The following GMDS variants were observed in gnomAD, a reference collection of about 807,000 sequenced individuals.
The protein encoded by GMDS is GDP-mannose 4,6 dehydratase.
GMDS carries 20 observed loss-of-function variants against 49.9 expected under a neutral mutation model. The ratio of observed to expected loss-of-function variants is 0.40; its 90% confidence interval spans 0.28 to 0.58. The LOEUF is 0.58. Among genes scored for constraint, GMDS ranks in the 20% least tolerant of loss-of-function variants. The pLI is 0.42. For missense variants in GMDS, 362 were observed against 481.4 expected (o/e 0.75, Z 2.32); for synonymous variants, 177 against 178.6 (o/e 0.99, Z 0.07).
intron 7 of GMDS, among the ~76,000 whole-genome samples, chr6:1,863,091 T>C (rs867899916): frequency 1.8e-4 from 27 of 152,342 alleles, no homozygotes; most frequent in Middle Eastern, 6.8e-3. Flanking sequence ...GTAACTCTGA[T>C]TTTAAACATT....
At chr6:1,866,868 C>A (rs7776397) in intron 7 of GMDS, among the ~76,000 whole-genome samples, 44,691 of 152,074 alleles carry the variant, frequency 0.29, 6,543 homozygotes, top group Middle Eastern at 0.37. Flanking sequence ...TGCTCAAGTC[C>A]TGCTCAGGAA....
chr6:1,858,973 G>A (rs1758064308), intron 7 of GMDS, among the ~76,000 whole-genome samples: 1 of 151,710 alleles, frequency 6.6e-6, no homozygotes, highest in Non-Finnish European at 1.5e-5. Context: ...TTTGGGGGGG[G>A]CAGGCACTTA....
chr6:2,230,929 T>G, intron 1 of GMDS, among the ~76,000 whole-genome samples: 1 of 15,962 alleles, frequency 6.3e-5, no homozygotes, highest in African/African-American at 2.4e-4. Context: ...TAGTATTCTC[T>G]TCCCCCCTCC....
intron 1 of GMDS, among the ~76,000 whole-genome samples, chr6:2,139,840 T>C (rs1362397704): frequency 1.3e-5 from 2 of 152,052 alleles, no homozygotes; most frequent in Non-Finnish European, 2.9e-5. Flanking sequence ...CAAACTACTT[T>C]GCAATGAAAA....
At chr6:2,113,394 T>C (rs1258177737) in intron 4 of GMDS, among the ~76,000 whole-genome samples, 1 of 151,946 alleles carries the variant, frequency 6.6e-6, no homozygotes, top group Non-Finnish European at 1.5e-5. Context: ...TGAATATATC[T>C]TCCCCCGTTC....
intron 4 of GMDS, among the ~76,000 whole-genome samples, chr6:2,100,709 T>C (rs1299382610): frequency 6.6e-6 from 1 of 151,980 alleles, no homozygotes; most frequent in African/African-American, 2.4e-5. Flanking sequence ...ATCATAGAGC[T>C]AATGTTAAAA....
At chr6:2,243,290 T>C (rs559727062) in intron 1 of GMDS, among the ~76,000 whole-genome samples, 251 of 152,288 alleles carry the variant, frequency 1.6e-3, no homozygotes, top group African/African-American at 5.5e-3. Context: ...CCCACTTCCA[T>C]ACCTTCCTGG....
chr6:2,187,124 G>T (rs1778812768), intron 1 of GMDS, among the ~76,000 whole-genome samples: 2 of 152,172 alleles, frequency 1.3e-5, no homozygotes, highest in Admixed American at 1.3e-4. Context: ...GTTCACAAAA[G>T]AAATGGATGA....
chr6:2,097,827 G>A lies in GMDS; in HGVS notation c.345+17944C>T, dbSNP rs115042045. Among the ~76,000 whole-genome samples the A allele has an allele frequency of 4.6e-3, 703 of 152,238 alleles. 2 individuals are homozygous for A. The highest frequency in any genetic ancestry group is 0.01 in the Middle Eastern group (3 of 294). ...GGCAATTACCAGTCTACATGGTTAG[G>A]ATAGTGACAAACAAAAGAAACATGT... On this transcript the variant is annotated intron_variant, in intron 4 of 10. Transcript: ENST00000380815.
intron 7 of GMDS, among the ~76,000 whole-genome samples, chr6:1,866,663 T>TA (rs1561854162): frequency 6.6e-6 from 1 of 152,214 alleles, no homozygotes; most frequent in Non-Finnish European, 1.5e-5. Flanking sequence ...GTTTTATTTT[T>TA]AAAAAAGGTA....
intron 7 of GMDS, among the ~76,000 whole-genome samples, chr6:1,853,401 C>A (rs1757787673): frequency 6.7e-6 from 1 of 149,850 alleles, no homozygotes; most frequent in Admixed American, 6.6e-5. Context: ...GCCTGTAGTC[C>A]CAGCTACTGG....
intron 7 of GMDS, among the ~76,000 whole-genome samples, chr6:1,781,060 C>T (rs147374350): frequency 1.2e-3 from 189 of 152,216 alleles, no homozygotes; most frequent in African/African-American, 4.5e-3. Flanking sequence ...GAATCCCAAG[C>T]GCTCGCCTTA....
chr6:1,944,578 G>A (rs1390261014), intron 6 of GMDS, among the ~76,000 whole-genome samples: 3 of 151,106 alleles, frequency 2.0e-5, no homozygotes, highest in African/African-American at 4.9e-5. Context: ...GCTGAGGCAG[G>A]AGAATGGCGT....
intron 4 of GMDS, among the ~76,000 whole-genome samples, chr6:1,966,804 C>T (rs1764285779): frequency 6.6e-6 from 1 of 152,156 alleles, no homozygotes; most frequent in African/African-American, 2.4e-5. Flanking sequence ...GCACCCATTC[C>T]AAGCAAAACC....
chr6:1,826,321 G>A (rs1386193152), intron 7 of GMDS, among the ~76,000 whole-genome samples: 1 of 152,126 alleles, frequency 6.6e-6, no homozygotes, highest in Non-Finnish European at 1.5e-5. Flanking sequence ...GCCGCTGACC[G>A]AAACGTCATT....
intron 7 of GMDS, among the ~76,000 whole-genome samples, chr6:1,789,156 C>A (rs546136659): frequency 6.6e-6 from 1 of 152,358 alleles, no homozygotes; most frequent in South Asian, 2.1e-4. Flanking sequence ...GGAAGGGCCC[C>A]AAAGGCAAAG....
At chr6:1,733,699 C>G (rs1175778662) in intron 8 of GMDS, among the ~76,000 whole-genome samples, 3 of 152,044 alleles carry the variant, frequency 2.0e-5, no homozygotes, top group African/African-American at 7.2e-5. Context: ...CACCTATTGT[C>G]CCAGCTGGGC....
At chr6:1,904,116 T>TC in intron 7 of GMDS, among the ~76,000 whole-genome samples, 1 of 152,258 alleles carries the variant, frequency 6.6e-6, no homozygotes, top group Admixed American at 6.5e-5. Context: ...CCTCCAGACT[T>TC]CCAGGGGCAC....
chr6:1,855,898 TG>T (rs1447120916), intron 7 of GMDS, among the ~76,000 whole-genome samples: 1 of 152,212 alleles, frequency 6.6e-6, no homozygotes, highest in Non-Finnish European at 1.5e-5. Context: ...CACGTATGGA[TG>T]GATGGATGCA....
Sources: gnomAD v4.1 joint callset for allele counts (sites outside exome capture counted in the v4.1 genomes callset) on GRCh38, gnomAD v4.1.1 for gene constraint, MANE v1.5 for transcripts, NCBI Gene and HGNC (gene_info 2026-07-23, HGNC 2026-07-21) for gene names.